Variants in PCDH15 observed in about 807,000 individuals in gnomAD.
The protein encoded by PCDH15 is protocadherin-15.
In PCDH15, 129 loss-of-function variants were observed where a neutral mutation model predicts 178.5. The ratio of observed to expected loss-of-function variants is 0.72; its 90% CI spans 0.63 to 0.84. PCDH15 has a LOEUF of 0.84. PCDH15 is among the 40% of genes least tolerant of loss of function. The pLI, the probability that PCDH15 is intolerant of heterozygous loss-of-function variation, is 0.00. For synonymous variants in PCDH15, 800 were observed against 732.0 expected, an observed-to-expected ratio of 1.09 and a Z score of -1.50; for missense variants, 2,230 against 2,099.9, an observed-to-expected ratio of 1.06 and a Z score of -1.21.
At chr10:55,521,505 A>T (rs552933616) in intron 2 of PCDH15, among the ~76,000 whole-genome samples, 1 of 152,116 alleles carries the variant, frequency 6.6e-6, no homozygotes, top group Non-Finnish European at 1.5e-5. Flanking sequence ...GAGGCCTGGA[A>T]CTTATAATAG....
intron 8 of PCDH15, among the ~76,000 whole-genome samples, chr10:54,288,974 C>T (rs566664381): frequency 2.6e-5 from 4 of 152,364 alleles, no homozygotes; most frequent in Admixed American, 2.6e-4. Flanking sequence ...CTTCTGCAGA[C>T]TTAAAAATCC....
Position 53,920,624 on chromosome 10 carries a change from G to A in PCDH15, c.3374-17254C>T, listed in dbSNP as rs116800802. Among the ~76,000 whole-genome samples, 250 of 152,188 alleles carry A rather than the reference G, an allele frequency of 1.6e-3. 2 individuals are homozygous for A. The highest frequency in any genetic ancestry group is 5.9e-3 in the African/African-American group (247 of 41,542). Reference sequence around the variant, plus strand: ...CGGAAACAGAAGTCATAAAGCATACGTACACGAAACTCTTGAACTTTATCT... The same window carrying A: ...CGGAAACAGAAGTCATAAAGCATACATACACGAAACTCTTGAACTTTATCT... On this transcript the variant is annotated intron_variant, in intron 25 of 37. Coordinates refer to ENST00000644397, the MANE Select transcript of PCDH15 (RefSeq NM_001384140.1).
At chr10:54,703,899 A>C (rs1431684387) in intron 1 of PCDH15, among the ~76,000 whole-genome samples, 3 of 152,138 alleles carry the variant, frequency 2.0e-5, no homozygotes, top group Non-Finnish European at 4.4e-5. Flanking sequence ...ATTGGTAAAA[A>C]AGCAGACACA....
intron 2 of PCDH15, among the ~76,000 whole-genome samples, chr10:54,629,784 A>G (rs186492484): frequency 2.0e-4 from 31 of 152,272 alleles, no homozygotes; most frequent in South Asian, 6.2e-4. Flanking sequence ...CTAAATAGGA[A>G]AAAAGGCAGT....
chr10:54,169,125 G>T (rs1396031312), intron 13 of PCDH15, among the ~76,000 whole-genome samples: 1 of 150,448 alleles, frequency 6.6e-6, no homozygotes, highest in South Asian at 2.1e-4. Flanking sequence ...ACTGAAAATC[G>T]GACTGTTCAA....
At chr10:55,005,339 C>T (rs978172664) in intron 2 of PCDH15, among the ~76,000 whole-genome samples, 3 of 151,788 alleles carry the variant, frequency 2.0e-5, no homozygotes, top group African/African-American at 7.3e-5. Flanking sequence ...CATAAATTAT[C>T]TTCCATAGCA....
At chr10:54,173,792 A>G (rs2047144372) in intron 13 of PCDH15, among the ~76,000 whole-genome samples, 1 of 152,194 alleles carries the variant, frequency 6.6e-6, no homozygotes, top group South Asian at 2.1e-4. Context: ...AGAGAAACAG[A>G]TAGTTTAACC....
rs111866510 is a variant in PCDH15, at chr10:55,010,299, C to T, written c.-79-112799G>A. On this transcript the variant is annotated intron_variant, in intron 2 of 5. Coordinates refer to the PCDH15 transcript ENST00000458638. ...ATTATCCATTAATTTAACAAATATG[C>T]TGGGAGGCCTGACTATGTGATTGGC... Among the ~76,000 whole-genome samples, 1,088 of 152,136 alleles carry T rather than the reference C, an allele frequency of 7.2e-3. 16 individuals carry two copies. Among genetic ancestry groups the T allele is most frequent in the African/African-American group, 0.025 (1,046 of 41,488 alleles).
At chr10:54,788,129 C>G (rs1052232674) in intron 1 of PCDH15, among the ~76,000 whole-genome samples, 1 of 151,572 alleles carries the variant, frequency 6.6e-6, no homozygotes, top group East Asian at 1.9e-4. Context: ...GACTCTAAAG[C>G]TATTAAGGGG....
chr10:54,648,340 A>G (rs2094178400), intron 2 of PCDH15, among the ~76,000 whole-genome samples: 1 of 152,100 alleles, frequency 6.6e-6, no homozygotes, highest in African/African-American at 2.4e-5. Flanking sequence ...GGAGGACACC[A>G]AAAATGTGAC....
At chr10:54,975,770 C>A (rs1839054827) in intron 2 of PCDH15, among the ~76,000 whole-genome samples, 1 of 151,804 alleles carries the variant, frequency 6.6e-6, no homozygotes, top group Non-Finnish European at 1.5e-5. Flanking sequence ...TTTAGTATGG[C>A]CGGGAAAACA....
chr10:54,018,172 C>T (rs182337436), intron 20 of PCDH15, among the ~76,000 whole-genome samples: 35 of 152,086 alleles, frequency 2.3e-4, no homozygotes, highest in African/African-American at 7.5e-4. Context: ...CCTTAGGACC[C>T]TGGATACATA....
chr10:53,837,631 T>G (rs537907608), intron 29 of PCDH15, among the ~76,000 whole-genome samples: 4 of 152,236 alleles, frequency 2.6e-5, no homozygotes, highest in African/African-American at 7.2e-5. Flanking sequence ...TCCATTGACC[T>G]GGACCGGCAT....
chr10:55,258,317 AAGT>A (rs1418410226), intron 1 of PCDH15, among the ~76,000 whole-genome samples: 1 of 152,196 alleles, frequency 6.6e-6, no homozygotes, highest in Non-Finnish European at 1.5e-5. Flanking sequence ...AGAACTAGGT[AAGT>A]ATTAATTAAC....
chr10:55,496,293 A>G (rs1484166732), intron 2 of PCDH15, among the ~76,000 whole-genome samples: 1 of 151,910 alleles, frequency 6.6e-6, no homozygotes, highest in African/African-American at 2.4e-5. Flanking sequence ...AATAAGCACA[A>G]ATGCGTGTGC....
chr10:54,835,267 TA>T (rs1338414368), intron 3 of PCDH15, among the ~76,000 whole-genome samples: 1 of 152,174 alleles, frequency 6.6e-6, no homozygotes, highest in Non-Finnish European at 1.5e-5. Context: ...TTAATATTAA[TA>T]TTTTTTAAGC....
intron 18 of PCDH15, among the ~76,000 whole-genome samples, chr10:54,030,855 G>T (rs1456158137): frequency 6.6e-6 from 1 of 151,726 alleles, no homozygotes; most frequent in African/African-American, 2.4e-5. Context: ...AGTGTCAGTG[G>T]TTTGTTACCA....
intron 23 of PCDH15, among the ~76,000 whole-genome samples, chr10:53,943,496 AC>A (rs2086252602): frequency 2.7e-5 from 4 of 148,696 alleles, no homozygotes; most frequent in African/African-American, 1.0e-4. Context: ...AAACAAACAA[AC>A]AAACAAAAAA....
chr10:55,529,392 A>ATTAATT (rs1469161604), intron 2 of PCDH15, among the ~76,000 whole-genome samples: 1 of 151,754 alleles, frequency 6.6e-6, no homozygotes, highest in Non-Finnish European at 1.5e-5. Flanking sequence ...TCCATCTTGA[A>ATTAATT]TTAATTTTTG....
Sources: gnomAD v4.1 joint callset for allele counts (sites outside exome capture counted in the v4.1 genomes callset) on GRCh38, gnomAD v4.1.1 for gene constraint, MANE v1.5 for transcripts, NCBI Gene and HGNC (gene_info 2026-07-23, HGNC 2026-07-21) for gene names.